Variants in RHOQ observed in about 807,000 individuals in gnomAD.
RHOQ encodes rho-related GTP-binding protein RhoQ.
RHOQ carries 7 observed loss-of-function variants against 25.8 expected under a neutral mutation model. That is an observed-to-expected ratio of 0.27 (90% CI 0.15 to 0.51). RHOQ has a LOEUF of 0.51. Among genes scored for constraint, RHOQ ranks in the 20% least tolerant of loss-of-function variants. The pLI is 0.97. For synonymous variants in RHOQ, 97 were observed against 98.6 expected (o/e 0.98, Z 0.10); for missense variants, 165 against 260.6 (o/e 0.63, Z 2.53).
intron 4 of RHOQ, among the ~76,000 whole-genome samples, chr2:46,579,563 G>C (rs1184847621): frequency 6.6e-6 from 1 of 152,142 alleles, no homozygotes; most frequent in Non-Finnish European, 1.5e-5. Flanking sequence ...CAGGTCAGAA[G>C]CCCTCAGCTG....
chr2:46,563,938 C>T (rs1309972665), intron 2 of RHOQ, among the ~76,000 whole-genome samples: 2 of 151,950 alleles, frequency 1.3e-5, no homozygotes, highest in African/African-American at 4.8e-5. Flanking sequence ...GCGTGGGCCA[C>T]CACGCCCAGC....
chr2:46,553,165 C>G (rs959445180), intron 2 of RHOQ, among the ~76,000 whole-genome samples: 2 of 152,190 alleles, frequency 1.3e-5, no homozygotes, highest in Non-Finnish European at 2.9e-5. Flanking sequence ...GCAGGCTAAA[C>G]TTTCAGAGTC....
At position 46,555,342 on chromosome 2, in the gene RHOQ, C is replaced by G. The variant is rs571623753; in HGVS notation, c.201+11530C>G. ...GCAGATTGTAAACTCTTCCCCTTGC[C>G]GTCCCTGCAGGACTGCACGTAGCAC... is the stretch of plus-strand genomic sequence containing the variant. On this transcript the variant is annotated intron_variant, in intron 2 of 4. Coordinates refer to ENST00000238738, the MANE Select transcript of RHOQ (RefSeq NM_012249.4). This position sits in a 1 kb window ranked among gnomAD's most constrained non-coding sequence, Gnocchi z 4.3. 1.3e-5 allele frequency among the ~76,000 whole-genome samples: 2 copies of G among 152,194 alleles called. No homozygotes were observed. Among genetic ancestry groups the G allele is most frequent in the African/African-American group, 4.8e-5 (2 of 41,438 alleles).
intron 2 of RHOQ, among the ~76,000 whole-genome samples, chr2:46,546,680 G>A (rs1668080806): frequency 6.6e-6 from 1 of 151,280 alleles, no homozygotes; most frequent in African/African-American, 2.4e-5. Context: ...TGAATAATTA[G>A]AATCTGCATT....
intron 2 of RHOQ, among the ~76,000 whole-genome samples, chr2:46,573,115 G>C (rs1668990158): frequency 6.7e-6 from 1 of 149,070 alleles, no homozygotes; most frequent in Non-Finnish European, 1.5e-5. Flanking sequence ...CCAGGCTGTA[G>C]TGCAGTGGTA....
chr2:46,553,710 G>A (rs974552968), intron 2 of RHOQ, among the ~76,000 whole-genome samples: 1 of 151,888 alleles, frequency 6.6e-6, no homozygotes, highest in Admixed American at 6.6e-5. Context: ...CTCCCAAGTA[G>A]CTGGGACTAC....
intron 2 of RHOQ, among the ~76,000 whole-genome samples, chr2:46,563,574 C>T (rs564681391): frequency 4.6e-5 from 7 of 152,262 alleles, no homozygotes; most frequent in Admixed American, 3.3e-4. Flanking sequence ...GCATCAAACC[C>T]GTGCAAGGAG....
intron 2 of RHOQ, among the ~76,000 whole-genome samples, chr2:46,547,081 AT>A (rs1028567601): frequency 2.0e-5 from 3 of 152,210 alleles, no homozygotes; most frequent in African/African-American, 7.2e-5. Context: ...TCCATGCAGA[AT>A]TTGACAGACA....
rs1313646331 is a variant in RHOQ, at chr2:46,576,909, C to T, written c.462+253C>T. ...TAAATGGCAGAGTTGGGTTTCAGTC[C>T]AAAGCCTGACTCCTGGGCCGAGACT... On this transcript the variant is annotated intron_variant, in intron 4 of 4. Transcript: ENST00000238738. This position sits in a 1 kb window ranked among gnomAD's most constrained non-coding sequence, Gnocchi z 5.1. 3.9e-5 allele frequency: 13 copies of T among 329,422 alleles called. No homozygotes were observed. The Admixed American group carries it at 5.3e-4, about 13-fold the overall frequency. The allele number at this position is 329,422 out of a possible 1,614,324, so 20.4% of individuals were successfully genotyped here.
chr2:46,577,207 A>C (rs1038530004), intron 4 of RHOQ: 5 of 152,220 alleles, frequency 3.3e-5, no homozygotes, highest in African/African-American at 1.2e-4. Context: ...GAGGATAGAA[A>C]ATACAAAAAT....
rs1378905119 is a variant in RHOQ at position 46,566,374 on chromosome 2, T to C, written c.202-9713T>C. 1.3e-5 allele frequency among the ~76,000 whole-genome samples: 2 copies of C among 152,146 alleles called. No individual in the cohort carries two copies. The highest frequency in any genetic ancestry group is 4.8e-5 in the African/African-American group (2 of 41,420). On this transcript the variant is annotated intron_variant, in intron 2 of 4. Coordinates refer to ENST00000238738, the MANE Select transcript of RHOQ (RefSeq NM_012249.4). This position sits in a 1 kb window ranked among gnomAD's most constrained non-coding sequence, Gnocchi z 4.2. Reference sequence around the variant, plus strand: ...AAACTGTCCTCTTGAGTTCTCTCCCTATGGTGCTTCTCTACCCTACCCTCA... The same window carrying C: ...AAACTGTCCTCTTGAGTTCTCTCCCCATGGTGCTTCTCTACCCTACCCTCA...
At chr2:46,558,353 T>C (rs1190058965) in intron 2 of RHOQ, among the ~76,000 whole-genome samples, 1 of 152,260 alleles carries the variant, frequency 6.6e-6, no homozygotes, top group Non-Finnish European at 1.5e-5. Context: ...AAAAGAGTCA[T>C]TGTAGGCAAC....
At position 46,554,382 on chromosome 2, in the gene RHOQ, C is replaced by T. The variant is rs55726644; in HGVS notation, c.201+10570C>T. Among the ~76,000 whole-genome samples, 349 of 152,234 alleles carry T rather than the reference C, an allele frequency of 2.3e-3. 2 individuals carry two copies. Among genetic ancestry groups the T allele is most frequent in the African/African-American group, 7.9e-3 (330 of 41,514 alleles). ...GTGTGCTATGTGGCCTAGGGCTGTG[C>T]GCCCAGTAGGCTCTGCAGGTATTTC... On this transcript the variant is annotated intron_variant, in intron 2 of 4. Transcript: ENST00000238738.
At position 46,584,510 on chromosome 2, in the gene RHOQ, G is replaced by A. The variant is rs1052445756; in HGVS notation, c.*3427G>A. Among the ~76,000 whole-genome samples the A allele has an allele frequency of 6.6e-6, 1 of 152,018 alleles. No individual in the cohort carries two copies. The highest frequency in any genetic ancestry group is 1.5e-5 in the Non-Finnish European group (1 of 67,980). On this transcript the variant is annotated 3_prime_UTR_variant, in exon 5 of 5. Transcript: ENST00000238738. Reference sequence around the variant, plus strand: ...TTCTCAAACACATACATACCACCACGCACATTCTTTTAAACAGCTGCCACA... The same window carrying A: ...TTCTCAAACACATACATACCACCACACACATTCTTTTAAACAGCTGCCACA...
chr2:46,561,899 C>A (rs1444488336), intron 2 of RHOQ, among the ~76,000 whole-genome samples: 3 of 152,160 alleles, frequency 2.0e-5, no homozygotes, highest in Non-Finnish European at 4.4e-5. Flanking sequence ...CAGTGAGAGG[C>A]CACCCTGGAC....
intron 2 of RHOQ, among the ~76,000 whole-genome samples, chr2:46,574,471 C>T (rs1250636879): frequency 6.6e-6 from 1 of 152,048 alleles, no homozygotes; most frequent in African/African-American, 2.4e-5. Flanking sequence ...AAGTCTTCCT[C>T]TAGTAACTGT....
chr2:46,550,697 A>T (rs542574926), intron 2 of RHOQ, among the ~76,000 whole-genome samples: 1 of 152,302 alleles, frequency 6.6e-6, no homozygotes, highest in African/African-American at 2.4e-5. Flanking sequence ...CTTCTGTGTG[A>T]AGTGTGGAGA....
intron 2 of RHOQ, among the ~76,000 whole-genome samples, chr2:46,546,555 G>A (rs1395255109): frequency 1.5e-4 from 19 of 126,910 alleles, no homozygotes; most frequent in Admixed American, 2.6e-4. Flanking sequence ...AGCCTAGTGG[G>A]CAGCAGAGAA....
At chr2:46,544,481 G>C (rs918095843) in intron 2 of RHOQ, among the ~76,000 whole-genome samples, 3 of 152,226 alleles carry the variant, frequency 2.0e-5, no homozygotes, top group African/African-American at 4.8e-5. Context: ...GACTTTGTCT[G>C]GGTTTTCTTT....
Sources: gnomAD v4.1 joint callset for allele counts (sites outside exome capture counted in the v4.1 genomes callset) on GRCh38, gnomAD v4.1.1 for gene constraint, Gnocchi (gnomAD v3.1) non-coding constraint, MANE v1.5 for transcripts, NCBI Gene and HGNC (gene_info 2026-07-23, HGNC 2026-07-21) for gene names.